Variants in SLC39A8 observed in about 807,000 individuals in gnomAD.
SLC39A8 encodes the protein metal cation symporter ZIP8.
Under a neutral mutation model 40.4 loss-of-function variants are expected in SLC39A8, and 15 were observed. The observed-to-expected ratio is 0.37, with a 90% confidence interval of 0.25 to 0.57. SLC39A8 has a LOEUF of 0.57. Ranked by LOEUF, SLC39A8 falls within the 20% of genes least tolerant of loss-of-function variation. The pLI, the probability that SLC39A8 is intolerant of heterozygous loss-of-function variation, is 0.75. For missense variants in SLC39A8, 472 were observed against 558.8 expected (o/e 0.84, Z 1.57); for synonymous variants, 223 against 221.6 (o/e 1.01, Z -0.06).
At chr4:102,315,635 T>C in intron 3 of SLC39A8, 33 bp downstream of exon 3, 1 of 1,566,478 alleles carries the variant, frequency 6.4e-7, no homozygotes. Flanking sequence ...CATAGACTTT[T>C]CAAATAAAAG....
At chr4:102,292,253 T>TA (rs1167967103) in intron 6 of SLC39A8, among the ~76,000 whole-genome samples, 1 of 152,084 alleles carries the variant, frequency 6.6e-6, no homozygotes, top group Non-Finnish European at 1.5e-5. Flanking sequence ...TTAATAAGTT[T>TA]AATTTCATCT....
At chr4:102,327,659 A>G (rs1303050383) in intron 2 of SLC39A8, among the ~76,000 whole-genome samples, 1 of 152,232 alleles carries the variant, frequency 6.6e-6, no homozygotes, top group African/African-American at 2.4e-5. Flanking sequence ...AAGATCATAA[A>G]AATCTACAGA....
At chr4:102,318,018 C>A (rs1193934629) in intron 2 of SLC39A8, among the ~76,000 whole-genome samples, 1 of 152,136 alleles carries the variant, frequency 6.6e-6, no homozygotes, top group East Asian at 1.9e-4. Context: ...TTTAGTTACA[C>A]ATCATATATA....
intron 6 of SLC39A8, among the ~76,000 whole-genome samples, chr4:102,295,098 T>A (rs1733626807): frequency 6.7e-6 from 1 of 148,582 alleles, no homozygotes; most frequent in African/African-American, 2.4e-5. Context: ...TAGATAATAA[T>A]ATATATGTAT....
chr4:102,340,046 T>C (rs2149057164), intron 2 of SLC39A8, among the ~76,000 whole-genome samples: 1 of 152,316 alleles, frequency 6.6e-6, no homozygotes, highest in Non-Finnish European at 1.5e-5. Context: ...ATATCACTGT[T>C]TCGTGCATTA....
In SLC39A8 at chr4:102,267,990, G is replaced by A. The variant is rs371697716; in HGVS notation, c.930C>T (p.Cys310=). ...IGTIAWMITL[C]DALHNFIDGL... is the part of the protein sequence containing the mutation. ...CATCGATGAAATTGTGGAGGGCATC[G>A]CAGAGCGTTATCATCCAGGCAATCG... is the stretch of plus-strand genomic sequence containing the variant. The change falls in exon 7 of 9, where the codon TGC becomes TGT. Residue 310 remains cysteine (C), a synonymous_variant. Transcript: ENST00000356736. 6.7e-5 allele frequency: 108 copies of A among 1,614,100 alleles called. No individual in the cohort carries two copies. The highest frequency in any genetic ancestry group is 3.8e-4 in the East Asian group (17 of 44,888).
At chr4:102,320,561 AAT>A (rs1734919392) in intron 2 of SLC39A8, among the ~76,000 whole-genome samples, 1 of 8,020 alleles carries the variant, frequency 1.2e-4, no homozygotes, top group Non-Finnish European at 2.2e-4. Context: ...TATATATGAG[AAT>A]ATATATATGA....
intron 2 of SLC39A8, among the ~76,000 whole-genome samples, chr4:102,320,205 A>ATATATATG (rs1943426421): frequency 1.5e-5 from 2 of 136,450 alleles, no homozygotes; most frequent in African/African-American, 5.5e-5. Context: ...ATATATATGT[A>ATATATATG]TATATATATG....
intron 6 of SLC39A8, among the ~76,000 whole-genome samples, chr4:102,279,159 AG>A (rs1351385234): frequency 6.6e-6 from 1 of 150,630 alleles, no homozygotes; most frequent in Non-Finnish European, 1.5e-5. Context: ...AAAAAAAAAA[AG>A]AATTCTTGCC....
At chr4:102,304,769 A>G (rs927709889) in intron 5 of SLC39A8, among the ~76,000 whole-genome samples, 13 of 146,732 alleles carry the variant, frequency 8.9e-5, no homozygotes, top group African/African-American at 3.0e-4. Context: ...TAAATTGCTG[A>G]TACTTGAAAA....
intron 6 of SLC39A8, among the ~76,000 whole-genome samples, chr4:102,270,664 T>C (rs1180611251): frequency 6.6e-6 from 1 of 152,194 alleles, no homozygotes; most frequent in South Asian, 2.1e-4. Flanking sequence ...ACACTAAGTC[T>C]GGAATCTAAA....
intron 6 of SLC39A8, among the ~76,000 whole-genome samples, chr4:102,275,607 T>C (rs996337533): frequency 1.3e-5 from 2 of 152,126 alleles, no homozygotes; most frequent in African/African-American, 4.8e-5. Flanking sequence ...TATTCAGGAC[T>C]TGAACTCAGC....
chr4:102,263,153 C>G lies in SLC39A8; in HGVS notation c.1274G>C (p.Gly425Ala), dbSNP rs1398212951. 4 of 1,613,598 alleles carry G rather than the reference C, an allele frequency of 2.5e-6. No individual in the cohort carries two copies. Among genetic ancestry groups the G allele is most frequent in the African/African-American group, 1.3e-5 (1 of 74,910 alleles). Reference sequence around the variant, plus strand: ...GAAGAAGGTGAAATCGGTTTTTCTTCCAGTTACCTTTTCTCTCAGCATATC... The same window carrying G: ...GAAGAAGGTGAAATCGGTTTTTCTTGCAGTTACCTTTTCTCTCAGCATATC... ...MNDMLREKVT[G>A]RKTDFTFFMI... The change falls in exon 9 of 9, where the codon GGA becomes GCA. Residue 425 changes from glycine to alanine, a missense_variant. Physicochemically the swap from Gly to Ala is moderately conservative, Grantham distance 60. This residue lies in a region of SLC39A8 where 50 missense variants were observed against 50.5 expected (regional missense o/e 0.99). Transcript: ENST00000356736.
At chr4:102,313,193 C>T (rs1734520645) in intron 3 of SLC39A8, among the ~76,000 whole-genome samples, 1 of 152,094 alleles carries the variant, frequency 6.6e-6, no homozygotes, top group Admixed American at 6.6e-5. Context: ...GAAGCCAAGA[C>T]AACCTGGGCT....
chr4:102,320,894 G>T (rs1396201555), intron 2 of SLC39A8, among the ~76,000 whole-genome samples: 1 of 151,390 alleles, frequency 6.6e-6, no homozygotes, highest in Admixed American at 6.6e-5. Flanking sequence ...TTCGACTGCT[G>T]TTAGGCACTG....
Position 102,320,427 on chromosome 4 carries a change from T to TATATATGAGA in SLC39A8, c.220-4598_220-4597insTCTCATATAT, listed in dbSNP as rs1383945568. Among the ~76,000 whole-genome samples, 210 of 109,172 alleles carry TATATATGAGA rather than the reference T, an allele frequency of 1.9e-3. 15 individuals are homozygous for TATATATGAGA. Among genetic ancestry groups the TATATATGAGA allele is most frequent in the African/African-American group, 6.6e-3 (185 of 27,892 alleles). 71.6% of individuals were successfully genotyped at this position (109,172 alleles called of 152,430 possible). A position where few individuals can be genotyped will look rare whatever the true frequency, so the allele number is the denominator to read the frequency against. ...ATATGAGAATATATATATGAGAATATATATATATGAGAATATATATATGAG... is the reference window on the plus strand; with the variant it reads ...ATATGAGAATATATATATGAGAATATATATATGAGAATATATATGAGAATATATATATGAG... On this transcript the variant is annotated intron_variant, in intron 2 of 8. Transcript: ENST00000356736.
intron 2 of SLC39A8, among the ~76,000 whole-genome samples, chr4:102,319,697 G>C (rs564840764): frequency 6.6e-6 from 1 of 152,004 alleles, no homozygotes; most frequent in East Asian, 1.9e-4. Context: ...GTTGAGCCAA[G>C]TTCCATACTG....
chr4:102,319,043 G>A (rs1028107357), intron 2 of SLC39A8, among the ~76,000 whole-genome samples: 6 of 152,288 alleles, frequency 3.9e-5, no homozygotes, highest in African/African-American at 1.4e-4. Context: ...GGCCTTGTAT[G>A]TGTGAAACAC....
At chr4:102,330,541 A>AT (rs1405044270) in intron 2 of SLC39A8, among the ~76,000 whole-genome samples, 1 of 152,182 alleles carries the variant, frequency 6.6e-6, no homozygotes, top group Non-Finnish European at 1.5e-5. Context: ...TAGCCTACCA[A>AT]TCAAAAAAAG....
Sources: gnomAD v4.1 joint callset for allele counts (sites outside exome capture counted in the v4.1 genomes callset) on GRCh38, gnomAD v4.1.1 for gene constraint, gnomAD v4.1.1 regional missense constraint, MANE v1.5 for transcripts, NCBI Gene and HGNC (gene_info 2026-07-23, HGNC 2026-07-21) for gene names.